DCPH1: variants seen among roughly 807,000 people sequenced by gnomAD.
DCPH1 encodes the protein damage-control phosphatase 1.
the DCPH1 span, among the ~76,000 whole-genome samples, chr6:151,460,083 G>GTTGT: frequency 9.1e-4 from 139 of 151,964 alleles, 1 homozygote; most frequent in African/African-American, 2.8e-3. Context: ...TGTTCTTGTT[G>GTTGT]TTGTTTGTTT....
At chr6:151,458,637 G>GT in the DCPH1 span, 2 of 1,403,570 alleles carry the variant, frequency 1.4e-6, no homozygotes, top group Non-Finnish European at 1.9e-6. Flanking sequence ...AATTGTAAAA[G>GT]GATAAGTTTA....
At chr6:151,466,136 C>T in the DCPH1 span, among the ~76,000 whole-genome samples, 9 of 152,186 alleles carry the variant, frequency 5.9e-5, no homozygotes, top group African/African-American at 4.8e-5. Flanking sequence ...CCAGGCTGGT[C>T]TTGAACTCCT....
the DCPH1 span, among the ~76,000 whole-genome samples, chr6:151,462,372 C>G: frequency 6.6e-6 from 1 of 152,126 alleles, no homozygotes; most frequent in Non-Finnish European, 1.5e-5. Context: ...CAAGGATAAC[C>G]ATTGTTCTGA....
At chr6:151,454,858 GTCAGTTATTTAGACT>G in the DCPH1 span, among the ~76,000 whole-genome samples, 3 of 152,114 alleles carry the variant, frequency 2.0e-5, no homozygotes, top group Non-Finnish European at 4.4e-5. Flanking sequence ...AATTAATTCT[GTCAGTTATTTAGACT>G]TCAGAATGTA....
the DCPH1 span, chr6:151,469,348 T>C: frequency 2.6e-6 from 1 of 391,130 alleles, no homozygotes; most frequent in Non-Finnish European, 4.5e-6. Flanking sequence ...TATTGGAATT[T>C]TAGCAACTTT....
chr6:151,452,923 C>G, the DCPH1 span: 10 of 256,180 alleles, frequency 3.9e-5, no homozygotes, highest in African/African-American at 2.2e-4. Context: ...GATCTCAGCG[C>G]TATTAAGAAA....
At chr6:151,466,417 C>T in the DCPH1 span, among the ~76,000 whole-genome samples, 1 of 152,158 alleles carries the variant, frequency 6.6e-6, no homozygotes, top group African/African-American at 2.4e-5. Flanking sequence ...AATGAGCATG[C>T]ATCTATTTTC....
chr6:151,452,472 CCTT>C, the DCPH1 span: 1 of 1,546,158 alleles, frequency 6.5e-7, no homozygotes. Context: ...CTCAGCTCCT[CCTT>C]CGCGGCGGTA....
At chr6:151,464,704 T>C in the DCPH1 span, 95 of 859,596 alleles carry the variant, frequency 1.1e-4, no homozygotes, top group Non-Finnish European at 1.5e-4. Context: ...GTAAATATTT[T>C]TCTTTGCTAT....
At chr6:151,465,861 G>A in the DCPH1 span, among the ~76,000 whole-genome samples, 2 of 152,166 alleles carry the variant, frequency 1.3e-5, no homozygotes, top group African/African-American at 2.4e-5. Flanking sequence ...GTGAGACCCC[G>A]AGGGCAAGCA....
the DCPH1 span, chr6:151,469,779 G>A: frequency 6.6e-6 from 1 of 152,512 alleles, no homozygotes; most frequent in Non-Finnish European, 1.5e-5. Flanking sequence ...AATGGTATTT[G>A]AAGAAATGTA....
the DCPH1 span, chr6:151,469,595 G>A: frequency 3.3e-5 from 5 of 152,688 alleles, no homozygotes; most frequent in African/African-American, 4.8e-5. Context: ...GTAAAGAGAG[G>A]CATTTCTTAC....
the DCPH1 span, chr6:151,468,510 AG>A: frequency 8.7e-6 from 14 of 1,613,222 alleles, no homozygotes. Context: ...CAAGAGAAAA[AG>A]CTTCTGCTAC....
the DCPH1 span, among the ~76,000 whole-genome samples, chr6:151,466,007 C>T: frequency 1.3e-5 from 2 of 152,246 alleles, no homozygotes; most frequent in Non-Finnish European, 2.9e-5. Context: ...CAACCTCCGT[C>T]TCCCGGGTTT....
At chr6:151,469,292 GT>G in the DCPH1 span, 1 of 473,788 alleles carries the variant, frequency 2.1e-6, no homozygotes, top group Non-Finnish European at 3.6e-6. Flanking sequence ...CCACTACACT[GT>G]TTTGGGGATA....
At chr6:151,468,530 ATAT>A in the DCPH1 span, 1 of 1,613,938 alleles carries the variant, frequency 6.2e-7, no homozygotes, top group Non-Finnish European at 8.5e-7. Context: ...ACTAGAGTGT[ATAT>A]TGTTCTCGAT....
At chr6:151,457,617 A>G in the DCPH1 span, among the ~76,000 whole-genome samples, 4 of 152,178 alleles carry the variant, frequency 2.6e-5, no homozygotes, top group Admixed American at 6.5e-5. Flanking sequence ...AAGATTGGAG[A>G]GATGTTTATA....
At chr6:151,453,482 T>C in the DCPH1 span, among the ~76,000 whole-genome samples, 3 of 152,236 alleles carry the variant, frequency 2.0e-5, no homozygotes, top group Non-Finnish European at 4.4e-5. Flanking sequence ...TTTTTAAAAA[T>C]TAAATTCTGA....
chr6:151,461,521 A>C, the DCPH1 span, among the ~76,000 whole-genome samples: 1 of 152,156 alleles, frequency 6.6e-6, no homozygotes, highest in Non-Finnish European at 1.5e-5. Flanking sequence ...AAATACAAAA[A>C]TTAGTCAGGC....
Sources: allele counts gnomAD v4.1 joint callset (sites outside exome capture counted in the v4.1 genomes callset), GRCh38; gene constraint gnomAD v4.1.1; transcripts MANE v1.5; gene names NCBI Gene and HGNC (gene_info 2026-07-23, HGNC 2026-07-21).